Variants in AGXT2 observed in about 807,000 individuals in gnomAD.
The protein encoded by AGXT2 is alanine--glyoxylate aminotransferase 2, mitochondrial.
A neutral mutation model predicts 62.5 loss-of-function variants in AGXT2; 61 were observed. The observed-to-expected ratio is 0.98, with a 90% CI of 0.79 to 1.21. The LOEUF is 1.21. AGXT2 is among the 50% of genes most tolerant of loss of function. The pLI, the probability that AGXT2 is intolerant of heterozygous loss-of-function variation, is 0.00. For synonymous variants in AGXT2, 243 were observed against 218.7 expected, an observed-to-expected ratio of 1.11 and a Z score of -0.98; for missense variants, 666 against 641.5, an observed-to-expected ratio of 1.04 and a Z score of -0.41.
intron 9 of AGXT2, among the ~76,000 whole-genome samples, chr5:35,019,351 G>T (rs867605790): frequency 2.5e-4 from 37 of 149,054 alleles, no homozygotes; most frequent in African/African-American, 8.7e-4. Flanking sequence ...AAATGTAAAA[G>T]AACAGAAATT....
intron 13 of AGXT2, among the ~76,000 whole-genome samples, chr5:35,002,225 G>A (rs1766254362): frequency 6.6e-6 from 1 of 151,932 alleles, no homozygotes; most frequent in Non-Finnish European, 1.5e-5. Flanking sequence ...AAATCACAGA[G>A]CACATCCCAG....
intron 9 of AGXT2, among the ~76,000 whole-genome samples, chr5:35,022,523 T>G (rs1767147767): frequency 7.7e-6 from 1 of 130,290 alleles, no homozygotes; most frequent in Non-Finnish European, 1.5e-5. Context: ...AATTGAACAA[T>G]GAGAACACGT....
intron 1 of AGXT2, among the ~76,000 whole-genome samples, chr5:35,045,912 C>T (rs1278013012): frequency 2.6e-5 from 4 of 151,976 alleles, no homozygotes; most frequent in South Asian, 2.1e-4. Flanking sequence ...GAACTACAGG[C>T]GTTCGCCACC....
In AGXT2 at chr5:35,020,893, A is replaced by G. The variant is rs1006810242; in HGVS notation, c.963+4870T>C. 4.7e-4 allele frequency among the ~76,000 whole-genome samples: 71 copies of G among 152,268 alleles called. 1 individual carries two copies. The highest frequency in any genetic ancestry group is 9.1e-4 in the Non-Finnish European group (62 of 68,006). On this transcript the variant is annotated intron_variant, in intron 9 of 13. Transcript: ENST00000231420. ...AGCAAAGTCTCAGGATACAAAATCA[A>G]TGTACAAAAATCACAAGCATTCTTA...
intron 6 of AGXT2, 40 bp downstream of exon 6, chr5:35,033,420 G>A (rs761224397): frequency 6.9e-7 from 1 of 1,447,626 alleles, no homozygotes; most frequent in South Asian, 1.1e-5. Flanking sequence ...CACATACCCA[G>A]CAGTCTTTAA....
chr5:35,023,423 C>T (rs947010253), intron 9 of AGXT2, among the ~76,000 whole-genome samples: 6 of 152,164 alleles, frequency 3.9e-5, no homozygotes, highest in African/African-American at 1.4e-4. Context: ...TCGCGATAGT[C>T]CTTCTTGAGG....
chr5:35,017,554 T>C (rs553566126), intron 9 of AGXT2, among the ~76,000 whole-genome samples: 15 of 152,214 alleles, frequency 9.9e-5, no homozygotes, highest in Non-Finnish European at 1.6e-4. Flanking sequence ...TCTGCTACCA[T>C]GTAAGATGTG....
chr5:35,007,324 A>G (rs1378560503), intron 12 of AGXT2, among the ~76,000 whole-genome samples: 2 of 152,234 alleles, frequency 1.3e-5, no homozygotes, highest in African/African-American at 4.8e-5. Context: ...TATCCAATCT[A>G]TAGAACTTTG....
intron 11 of AGXT2, among the ~76,000 whole-genome samples, chr5:35,010,400 C>T (rs1766587504): frequency 1.3e-5 from 2 of 152,182 alleles, no homozygotes; most frequent in African/African-American, 4.8e-5. Flanking sequence ...AAATAATAGG[C>T]CAGGCATGGT....
intron 12 of AGXT2, among the ~76,000 whole-genome samples, chr5:35,006,494 C>G (rs1041121028): frequency 6.6e-6 from 1 of 151,786 alleles, no homozygotes; most frequent in South Asian, 2.1e-4. Flanking sequence ...GTGGGGAGAG[C>G]AGGAGCAAGA....
At chr5:35,004,469 C>A (rs1237957391) in intron 12 of AGXT2, among the ~76,000 whole-genome samples, 2 of 152,206 alleles carry the variant, frequency 1.3e-5, no homozygotes, top group African/African-American at 4.8e-5. Context: ...AGATCCCCAG[C>A]CATTCAGAGC....
intron 12 of AGXT2, 67 bp from the exon 13 acceptor site, chr5:35,003,928 G>C: frequency 1.3e-6 from 2 of 1,495,548 alleles, no homozygotes; most frequent in South Asian, 1.2e-5. Flanking sequence ...ATTTGCAAGA[G>C]AGGAAAAAAG....
chr5:35,016,783 C>T (rs914489421), intron 9 of AGXT2, among the ~76,000 whole-genome samples: 4 of 151,998 alleles, frequency 2.6e-5, no homozygotes, highest in African/African-American at 7.2e-5. Flanking sequence ...AAACCATAAA[C>T]CATGTTTAGT....
intron 7 of AGXT2, among the ~76,000 whole-genome samples, chr5:35,029,411 T>G (rs1173082855): frequency 2.0e-5 from 3 of 152,208 alleles, no homozygotes; most frequent in African/African-American, 7.2e-5. Context: ...TTTCATGACT[T>G]TTTTCCCTCT....
intron 12 of AGXT2, among the ~76,000 whole-genome samples, chr5:35,004,328 C>A (rs1371998219): frequency 6.6e-6 from 1 of 152,192 alleles, no homozygotes. Flanking sequence ...CCCTGGGCAG[C>A]GCAGTGGGAC....
chr5:35,039,872 T>C (rs139249902), intron 2 of AGXT2, among the ~76,000 whole-genome samples: 302 of 152,342 alleles, frequency 2.0e-3, no homozygotes, highest in Middle Eastern at 0.014. Context: ...GTTGTGGTAG[T>C]GTTTTAAAAA....
At chr5:35,013,597 C>T (rs1360710200) in intron 10 of AGXT2, among the ~76,000 whole-genome samples, 1 of 152,024 alleles carries the variant, frequency 6.6e-6, no homozygotes, top group Non-Finnish European at 1.5e-5. Flanking sequence ...GCCTGGCCAA[C>T]ATGGTGAAAC....
chr5:35,023,740 C>G (rs1031422810), intron 9 of AGXT2, among the ~76,000 whole-genome samples: 3 of 152,290 alleles, frequency 2.0e-5, no homozygotes, highest in African/African-American at 7.2e-5. Context: ...AGCAGGCTGG[C>G]CCAAGTTGCC....
chr5:35,039,935 C>A (rs190790212), intron 2 of AGXT2, among the ~76,000 whole-genome samples: 1 of 152,246 alleles, frequency 6.6e-6, no homozygotes, highest in African/African-American at 2.4e-5. Context: ...TATAAAATAT[C>A]TCTCCTGTAT....
Sources: gnomAD v4.1 joint callset for allele counts (sites outside exome capture counted in the v4.1 genomes callset) on GRCh38, gnomAD v4.1.1 for gene constraint, MANE v1.5 for transcripts, NCBI Gene and HGNC (gene_info 2026-07-23, HGNC 2026-07-21) for gene names.